DPYD: variants seen among roughly 807,000 people sequenced by gnomAD.
The protein encoded by DPYD is dihydropyrimidine dehydrogenase, also known as dihydropyrimidine dehydrogenase [NADP(+)].
Under a neutral mutation model 116.2 loss-of-function variants are expected in DPYD, and 109 were observed. The observed-to-expected ratio is 0.94, with a 90% CI of 0.80 to 1.10. DPYD has a LOEUF of 1.10. Ranked by LOEUF, DPYD falls within the 50% of genes least tolerant of loss-of-function variation. The pLI, the probability that DPYD is intolerant of heterozygous loss-of-function variation, is 0.00. For synonymous variants in DPYD, 440 were observed against 432.0 expected (o/e 1.02, Z -0.23); for missense variants, 1,302 against 1,254.5 (o/e 1.04, Z -0.57).
At chr1:97,656,721 C>A (rs191576068) in intron 8 of DPYD, among the ~76,000 whole-genome samples, 23 of 152,092 alleles carry the variant, frequency 1.5e-4, no homozygotes, top group Admixed American at 9.2e-4. Flanking sequence ...ATTTGGTCTG[C>A]CATTTTTAAA....
At chr1:97,816,052 T>G (rs1278646023) in intron 3 of DPYD, among the ~76,000 whole-genome samples, 1 of 152,048 alleles carries the variant, frequency 6.6e-6, no homozygotes, top group Non-Finnish European at 1.5e-5. Flanking sequence ...CATTTACATT[T>G]TTAATTTTTA....
At chr1:97,357,732 T>A (rs1053963268) in intron 16 of DPYD, among the ~76,000 whole-genome samples, 1 of 152,214 alleles carries the variant, frequency 6.6e-6, no homozygotes, top group Non-Finnish European at 1.5e-5. Flanking sequence ...TATTCCATTG[T>A]CTTTGTCCAT....
intron 16 of DPYD, among the ~76,000 whole-genome samples, chr1:97,341,204 T>C (rs946364518): frequency 6.6e-6 from 1 of 152,216 alleles, no homozygotes; most frequent in African/African-American, 2.4e-5. Flanking sequence ...TTCTGTTTCA[T>C]AGCAAAAGGA....
chr1:97,748,207 A>T (rs1226553342), intron 3 of DPYD, among the ~76,000 whole-genome samples: 2 of 148,210 alleles, frequency 1.3e-5, no homozygotes, highest in Non-Finnish European at 3.1e-5. Context: ...GCCTTCTTAG[A>T]TAGAGAAACT....
intron 3 of DPYD, among the ~76,000 whole-genome samples, chr1:97,785,560 A>AAACATGAAT (rs1301388748): frequency 6.6e-6 from 1 of 152,132 alleles, no homozygotes; most frequent in Non-Finnish European, 1.5e-5. Flanking sequence ...GCAGTTCTCC[A>AAACATGAAT]AACATGAATA....
intron 20 of DPYD, among the ~76,000 whole-genome samples, chr1:97,170,067 G>A (rs1397970185): frequency 6.6e-6 from 1 of 152,180 alleles, no homozygotes; most frequent in South Asian, 2.1e-4. Flanking sequence ...AAATATGCAG[G>A]CATACATACA....
At chr1:97,305,555 A>G (rs1367018084) in intron 17 of DPYD, among the ~76,000 whole-genome samples, 177 bp from the exon 18 acceptor site, 2 of 152,054 alleles carry the variant, frequency 1.3e-5, no homozygotes, top group Admixed American at 1.3e-4. Context: ...TAAACATTAA[A>G]GAAGTTTTAA....
intron 11 of DPYD, among the ~76,000 whole-genome samples, chr1:97,567,838 A>G (rs1413084522): frequency 2.0e-5 from 3 of 151,266 alleles, no homozygotes; most frequent in Non-Finnish European, 4.4e-5. Context: ...TGTGCTTTTT[A>G]CATACCTCAT....
intron 2 of DPYD, among the ~76,000 whole-genome samples, chr1:97,833,147 C>A (rs1285624588): frequency 1.3e-5 from 2 of 151,848 alleles, no homozygotes; most frequent in East Asian, 1.9e-4. Context: ...TATATACAAA[C>A]CTAAATTGAA....
intron 10 of DPYD, 140 bp from the exon 11 acceptor site, chr1:97,574,110 C>A: frequency 7.1e-7 from 1 of 1,399,862 alleles, no homozygotes; most frequent in Admixed American, 2.3e-5. Flanking sequence ...ACCTGAGTTT[C>A]AGTTACCAGT....
intron 8 of DPYD, among the ~76,000 whole-genome samples, chr1:97,612,682 T>G (rs571051192): frequency 6.6e-6 from 1 of 152,206 alleles, no homozygotes; most frequent in East Asian, 1.9e-4. Context: ...TCTTTAATTT[T>G]GGCTTTAATA....
intron 22 of DPYD, among the ~76,000 whole-genome samples, chr1:97,081,461 C>G (rs1253482699): frequency 6.6e-6 from 1 of 151,924 alleles, no homozygotes; most frequent in Non-Finnish European, 1.5e-5. Context: ...ATAAATCAGG[C>G]TTTTGAGAAG....
At chr1:97,773,684 C>A (rs1321251460) in intron 3 of DPYD, among the ~76,000 whole-genome samples, 7 of 152,164 alleles carry the variant, frequency 4.6e-5, no homozygotes, top group African/African-American at 1.7e-4. Context: ...CCATAGATGG[C>A]AGAACGAAGC....
chr1:97,726,896 CATG>C (rs1238735511), intron 4 of DPYD, among the ~76,000 whole-genome samples: 1 of 151,624 alleles, frequency 6.6e-6, no homozygotes, highest in Non-Finnish European at 1.5e-5. Flanking sequence ...ACTTATGGCT[CATG>C]ATTTTTCTAT....
intron 1 of DPYD, among the ~76,000 whole-genome samples, chr1:97,908,735 C>G (rs1673771983): frequency 6.6e-6 from 1 of 152,084 alleles, no homozygotes; most frequent in African/African-American, 2.4e-5. Flanking sequence ...ATTCCACTTT[C>G]CAAGAATTAT....
At chr1:97,154,706 CAAA>C (rs35900828) in intron 20 of DPYD, among the ~76,000 whole-genome samples, 11 of 122,886 alleles carry the variant, frequency 9.0e-5, no homozygotes, top group Non-Finnish European at 7.0e-5. Flanking sequence ...GACTCCATCT[CAAA>C]AAAAAAAAAA....
At chr1:97,204,792 C>T (rs924281033) in intron 19 of DPYD, among the ~76,000 whole-genome samples, 5 of 151,968 alleles carry the variant, frequency 3.3e-5, no homozygotes, top group African/African-American at 1.2e-4. Context: ...GTTTAACATT[C>T]TGGTCTTTCA....
chr1:97,680,570 G>A (rs185743602), intron 7 of DPYD, among the ~76,000 whole-genome samples: 27 of 152,242 alleles, frequency 1.8e-4, no homozygotes, highest in Admixed American at 1.4e-3. Context: ...ATAGTTCAGA[G>A]TCACAGAGTA....
intron 20 of DPYD, among the ~76,000 whole-genome samples, chr1:97,151,742 A>T (rs1570558531): frequency 1.3e-5 from 2 of 152,080 alleles, no homozygotes; most frequent in African/African-American, 4.8e-5. Context: ...AAGAAAGATT[A>T]TCTGGTACTA....
Sources: allele counts gnomAD v4.1 joint callset (sites outside exome capture counted in the v4.1 genomes callset), GRCh38; gene constraint gnomAD v4.1.1; transcripts MANE v1.5; gene names NCBI Gene and HGNC (gene_info 2026-07-23, HGNC 2026-07-21).